Variants in STXBP2 observed in about 807,000 individuals in gnomAD.
STXBP2 encodes syntaxin binding protein 2, also known as syntaxin-binding protein 2.
A neutral mutation model predicts 72.2 loss-of-function variants in STXBP2; 47 were observed. That is an observed-to-expected ratio of 0.65 (90% CI 0.51 to 0.83). STXBP2 has a LOEUF of 0.83. Ranked by LOEUF, STXBP2 falls within the 40% of genes least tolerant of loss-of-function variation. The probability of loss-of-function intolerance (pLI) is 0.00; values close to 1 mark genes in which losing one functional copy is unlikely to be tolerated. For missense variants in STXBP2, 702 were observed against 807.6 expected, an observed-to-expected ratio of 0.87 and a Z score of 1.58; for synonymous variants, 367 against 338.7, an observed-to-expected ratio of 1.08 and a Z score of -0.92.
chr19:7,633,386 GT>G (rs753975102), upstream of STXBP2: 2 of 1,561,102 alleles, frequency 1.3e-6, no homozygotes, highest in African/African-American at 2.7e-5. Context: ...TGGGGGTGGG[GT>G]GGGGGCAGGG....
chr19:7,646,400 G>A (rs1358537005), intron 16 of STXBP2, 56 bp downstream of exon 16: 15 of 1,482,654 alleles, frequency 1.0e-5, no homozygotes, highest in Non-Finnish European at 1.4e-5. Flanking sequence ...TGGCGGCTCA[G>A]CCTCCCTCCT....
chr19:7,647,196 G>C lies in STXBP2; in HGVS notation c.1487G>C (p.Trp496Ser), dbSNP rs1490311701. Residue 496 changes from tryptophan to serine, a missense_variant, in exon 17 of 19, where the codon TGG (tryptophan) becomes TCG (serine). Coordinates refer to ENST00000221283, the MANE Select transcript of STXBP2 (RefSeq NM_006949.4). ...GAGGACCGGCTGGACAGGAACCTGT[G>C]GCCCTTCGTATCCGACCCCGCCCCC... The part of the protein sequence containing the change: ...AVEDRLDRNL[W>S]PFVSDPAPTA... 6.2e-7 allele frequency: 1 copy of C among 1,611,886 alleles called. No individual in the cohort carries two copies. The highest frequency in any genetic ancestry group is 8.5e-7 in the Non-Finnish European group (1 of 1,179,882).
At chr19:7,645,427 T>C in intron 15 of STXBP2, 121 bp downstream of exon 15, 1 of 986,740 alleles carries the variant, frequency 1.0e-6, no homozygotes, top group Non-Finnish European at 1.5e-6. Flanking sequence ...GTGTGGTTGC[T>C]GGGAGGCCAA....
chr19:7,645,188 G>A lies in STXBP2; in HGVS notation c.1247-9G>A, dbSNP rs375777278. Reference sequence around the variant, plus strand: ...CGCCGCCTCCACCCTGCCCATTCCCGTCCCCCAGGTGTGAGTGAGGAGAAC... The same window carrying A: ...CGCCGCCTCCACCCTGCCCATTCCCATCCCCCAGGTGTGAGTGAGGAGAAC... On this transcript the variant is annotated splice_polypyrimidine_tract_variant and intron_variant, in intron 14 of 18. Coordinates refer to ENST00000221283, the MANE Select transcript of STXBP2 (RefSeq NM_006949.4). The A allele has an allele frequency of 1.2e-5, 18 of 1,555,710 alleles. No individual in the cohort carries two copies. The highest frequency in any genetic ancestry group is 1.7e-4 in the Middle Eastern group (1 of 6,020).
At chr19:7,644,588 G>T in intron 13 of STXBP2, 26 bp from the exon 14 acceptor site, 1 of 1,609,482 alleles carries the variant, frequency 6.2e-7, no homozygotes, top group Non-Finnish European at 8.5e-7. Context: ...ATAGCGGCCG[G>T]TGGACGGCTG....
chr19:7,634,318 GCC>G (rs2031449141), upstream of STXBP2, among the ~76,000 whole-genome samples: 1 of 152,066 alleles, frequency 6.6e-6, no homozygotes, highest in Non-Finnish European at 1.5e-5. Flanking sequence ...TCCCCAAGAC[GCC>G]TTTACGGAAA....
At chr19:7,640,653 G>T (rs1018808482) in intron 4 of STXBP2, 78 bp from the exon 5 acceptor site, 2 of 1,575,248 alleles carry the variant, frequency 1.3e-6, no homozygotes, top group Middle Eastern at 1.7e-4. Flanking sequence ...TGGCAGATGG[G>T]GGGTGGCTGG....
At position 7,644,869 on chromosome 19, in the gene STXBP2, A is replaced by G. The variant is rs938423333; in HGVS notation, c.1246+117A>G. ...TCATTTGCACTCACCGGGCTCACCA[A>G]CCCCCACAGCTACCCCTCTGGACCC... On this transcript the variant is annotated intron_variant, in intron 14 of 18. Transcript: ENST00000221283. 2.6e-6 allele frequency: 4 copies of G among 1,539,470 alleles called. No individual in the cohort carries two copies. In the African/African-American group the frequency reaches 5.4e-5, roughly 21 times the overall value.
rs1255506227 is a variant in STXBP2, at chr19:7,643,145, C to G, written c.1027-20C>G. ...GACTCAGCCTTTGTTATCCCCCAAC[C>G]CCCACCCTGCACCCTGCAGTATTCT... On this transcript the variant is annotated intron_variant, in intron 12 of 18. Coordinates refer to ENST00000221283, the MANE Select transcript of STXBP2 (RefSeq NM_006949.4). 6.2e-7 allele frequency: 1 copy of G among 1,614,110 alleles called. No homozygotes were observed.
intron 13 of STXBP2, among the ~76,000 whole-genome samples, chr19:7,644,016 C>CTGAGACCTGGGTGAGGGGTGGAACCTT (rs1568469302): frequency 4.7e-5 from 3 of 63,454 alleles, no homozygotes; most frequent in Admixed American, 1.6e-4. Context: ...GGTGGAACCT[C>CTGAGACCTGGGTGAGGGGTGGAACCTT]GGAGAGGTGG....
intron 3 of STXBP2, 181 bp downstream of exon 3, chr19:7,639,281 G>C: frequency 1.4e-6 from 1 of 721,794 alleles, no homozygotes; most frequent in East Asian, 2.7e-5. Context: ...AACCTTGCAA[G>C]CTGACTGCGG....
rs34450592 is a variant in STXBP2, at chr19:7,642,483, G to A, written c.849G>A (p.Glu283=). The A allele has an allele frequency of 1.9e-3, 3,119 of 1,614,078 alleles. 45 individuals are homozygous for A. The African/African-American group carries it at 0.032, about 17-fold the overall frequency. The change falls in exon 10 of 19, where the codon GAG becomes GAA. Residue 283 remains glutamate (E), a synonymous_variant. Coordinates refer to ENST00000221283, the MANE Select transcript of STXBP2 (RefSeq NM_006949.4). This position sits in a 1 kb window ranked among gnomAD's most constrained non-coding sequence, Gnocchi z 6.0. The part of the protein sequence containing the change: ...EAREKAVLLD[E]DDDLWVELRH... ...GGGAGAAGGCCGTCTTGCTGGACGA[G>A]GACGATGACTTGTGGGTGGAGCTTC...
At chr19:7,630,024 C>A in the STXBP2 span, 1 of 838,502 alleles carries the variant, frequency 1.2e-6, no homozygotes, top group Middle Eastern at 3.1e-4. Flanking sequence ...AGAGGGGACG[C>A]TGGGCTGGGG....
At chr19:7,639,928 G>A (rs1226912031) in intron 4 of STXBP2, 121 bp downstream of exon 4, 1 of 1,062,306 alleles carries the variant, frequency 9.4e-7, no homozygotes, top group Non-Finnish European at 1.4e-6. Flanking sequence ...GTGTCCATGT[G>A]TATGTGTGTG....
In STXBP2 at chr19:7,644,678, C is replaced by T. The variant is rs539611010; in HGVS notation, c.1172C>T (p.Pro391Leu). Residue 391 changes from proline (P) to leucine (L), a missense_variant, in exon 14 of 19, where the codon CCG (proline) becomes CTG (leucine). Physicochemically the swap from Pro to Leu is moderately conservative, Grantham distance 98. Transcript: ENST00000221283. ...AAGGACTCCATGAAGCTGATCGTTC[C>T]GGTGCTGCTGGACGCGGCGGTGCCC... is the stretch of plus-strand genomic sequence containing the variant. ...KIKDSMKLIV[P>L]VLLDAAVPAY... 13 of 1,613,624 alleles carry T rather than the reference C, an allele frequency of 8.1e-6. No individual in the cohort carries two copies. Among genetic ancestry groups the T allele is most frequent in the East Asian group, 2.2e-5 (1 of 44,880 alleles).
chr19:7,642,616 C>G lies in STXBP2; in HGVS notation c.902+80C>G. The G allele has an allele frequency of 6.4e-7, 1 of 1,567,146 alleles. No individual in the cohort carries two copies. Among genetic ancestry groups the G allele is most frequent in the Non-Finnish European group, 8.8e-7 (1 of 1,138,790 alleles). On this transcript the variant is annotated intron_variant, in intron 10 of 18. Transcript: ENST00000221283. This position sits in a 1 kb window ranked among gnomAD's most constrained non-coding sequence, Gnocchi z 6.0. The stretch of plus-strand genomic sequence containing the variant: ...GCGGCCTTGGGATCCCTGGCTGCTG[C>G]CAAGTCTTTGGCCCTCATGAGCACC...
rs114127210 is a variant in STXBP2 at position 7,647,557 on chromosome 19, C to T, written c.1696+46C>T. 3,881 of 1,570,170 alleles carry T rather than the reference C, an allele frequency of 2.5e-3. 80 individuals are homozygous for T. The African/African-American group carries it at 0.045, about 18-fold the overall frequency. The stretch of plus-strand genomic sequence containing the variant: ...CCCTGGGGTCTGGGGCTTGGGTTCC[C>T]GGGGCCTGGGCTTGTACCTTCTAGG... On this transcript the variant is annotated intron_variant, in intron 18 of 18. Coordinates refer to ENST00000221283, the MANE Select transcript of STXBP2 (RefSeq NM_006949.4).
At chr19:7,633,275 T>G, upstream of STXBP2, 2 of 984,464 alleles carry the variant, frequency 2.0e-6, no homozygotes, top group South Asian at 3.2e-5. Context: ...ACCAGCCCCT[T>G]TCTACAGCCA....
In STXBP2 at chr19:7,641,824, G is replaced by A. The variant is rs1599397302; in HGVS notation, c.549G>A (p.Leu183=). Reference sequence around the variant, plus strand: ...AGATTGCCACGCTGTGCGCCACCCTGCAGGAGTACCCGGCCATCCGCTACC... The same window carrying A: ...AGATTGCCACGCTGTGCGCCACCCTACAGGAGTACCCGGCCATCCGCTACC... The part of the protein sequence containing the change: ...AQQIATLCAT[L]QEYPAIRYRK... The change falls in exon 7 of 19, where the codon CTG becomes CTA. Residue 183 remains leucine (L), a synonymous_variant. Coordinates refer to ENST00000221283, the MANE Select transcript of STXBP2 (RefSeq NM_006949.4). 1.9e-6 allele frequency: 3 copies of A among 1,552,708 alleles called. No homozygotes were observed. Among genetic ancestry groups the A allele is most frequent in the Middle Eastern group, 2.0e-4 (1 of 4,956 alleles).
Sources: gnomAD v4.1 joint callset for allele counts (sites outside exome capture counted in the v4.1 genomes callset) on GRCh38, gnomAD v4.1.1 for gene constraint, Gnocchi (gnomAD v3.1) non-coding constraint, MANE v1.5 for transcripts, NCBI Gene and HGNC (gene_info 2026-07-23, HGNC 2026-07-21) for gene names.